The following ATOSA variants were observed in gnomAD, a reference collection of about 807,000 sequenced individuals.
ATOSA encodes atos homolog protein A.
the ATOSA span, among the ~76,000 whole-genome samples, chr15:52,696,671 A>T: frequency 4.6e-5 from 7 of 152,188 alleles, no homozygotes; most frequent in Admixed American, 4.6e-4. Context: ...GCATAATTAA[A>T]GTTGACACAT....
chr15:52,654,817 A>T, the ATOSA span, among the ~76,000 whole-genome samples: 1 of 152,192 alleles, frequency 6.6e-6, no homozygotes, highest in Non-Finnish European at 1.5e-5. Flanking sequence ...TTAAGAGATA[A>T]CATGCTATCT....
chr15:52,627,998 G>A, the ATOSA span, among the ~76,000 whole-genome samples: 1 of 152,058 alleles, frequency 6.6e-6, no homozygotes, highest in African/African-American at 2.4e-5. Flanking sequence ...TTCTCTAATC[G>A]CTAATTCTCG....
chr15:52,668,319 T>C, the ATOSA span, among the ~76,000 whole-genome samples: 1 of 152,136 alleles, frequency 6.6e-6, no homozygotes, highest in South Asian at 2.1e-4. Context: ...AGACACATAC[T>C]GCATGATCTC....
the ATOSA span, chr15:52,611,664 G>A: frequency 6.2e-7 from 1 of 1,613,948 alleles, no homozygotes; most frequent in Non-Finnish European, 8.5e-7. Flanking sequence ...CCTCTGTGGT[G>A]GGCCCATCAT....
the ATOSA span, among the ~76,000 whole-genome samples, chr15:52,589,764 C>T: frequency 6.6e-6 from 1 of 151,664 alleles, no homozygotes; most frequent in East Asian, 1.9e-4. Flanking sequence ...ATATTTAACA[C>T]AAAAGAGAAA....
At chr15:52,637,294 G>A in the ATOSA span, among the ~76,000 whole-genome samples, 4 of 151,904 alleles carry the variant, frequency 2.6e-5, no homozygotes, top group African/African-American at 9.7e-5. Context: ...TCAAGTTGGG[G>A]GGCAGGAGAA....
the ATOSA span, among the ~76,000 whole-genome samples, chr15:52,653,821 T>G: frequency 6.6e-6 from 1 of 152,324 alleles, no homozygotes; most frequent in South Asian, 2.1e-4. Flanking sequence ...GTAGGTACTA[T>G]GTCTACTTAA....
chr15:52,700,664 T>C, the ATOSA span, among the ~76,000 whole-genome samples: 1 of 152,232 alleles, frequency 6.6e-6, no homozygotes, highest in Non-Finnish European at 1.5e-5. Context: ...AAGATGTCTG[T>C]AATTCCTCAG....
the ATOSA span, among the ~76,000 whole-genome samples, chr15:52,668,631 A>G: frequency 6.6e-6 from 1 of 152,230 alleles, no homozygotes; most frequent in Non-Finnish European, 1.5e-5. Context: ...AATTATTTAC[A>G]CAACATATAT....
the ATOSA span, among the ~76,000 whole-genome samples, chr15:52,613,438 T>C: frequency 5.9e-5 from 9 of 152,328 alleles, no homozygotes; most frequent in African/African-American, 2.2e-4. Flanking sequence ...ACAGCAGGTA[T>C]GAAATTGGGT....
At chr15:52,588,502 A>C in the ATOSA span, among the ~76,000 whole-genome samples, 2 of 152,114 alleles carry the variant, frequency 1.3e-5, no homozygotes, top group Non-Finnish European at 2.9e-5. Flanking sequence ...GCAGTGGCAC[A>C]ATCTTGGCTC....
the ATOSA span, among the ~76,000 whole-genome samples, chr15:52,637,007 C>T: frequency 6.6e-6 from 1 of 152,052 alleles, no homozygotes. Flanking sequence ...GAAATGGTAC[C>T]TTGAATTCCT....
At chr15:52,638,411 A>G in the ATOSA span, among the ~76,000 whole-genome samples, 2 of 152,130 alleles carry the variant, frequency 1.3e-5, no homozygotes, top group East Asian at 1.9e-4. Context: ...GTGTTAAAAA[A>G]GAGTACCACT....
the ATOSA span, among the ~76,000 whole-genome samples, chr15:52,669,589 C>T: frequency 6.3e-4 from 96 of 152,298 alleles, no homozygotes; most frequent in Admixed American, 1.6e-3. Context: ...CAGATACTGA[C>T]GCTAAATTAA....
At chr15:52,658,659 A>G in the ATOSA span, 1 of 397,988 alleles carries the variant, frequency 2.5e-6, no homozygotes, top group Middle Eastern at 6.3e-4. Context: ...ATAGGAGACC[A>G]CCACAAACAG....
chr15:52,617,445 C>G, the ATOSA span, among the ~76,000 whole-genome samples: 1 of 152,072 alleles, frequency 6.6e-6, no homozygotes, highest in Non-Finnish European at 1.5e-5. Flanking sequence ...CCACCCAAAT[C>G]TATGGTATTT....
chr15:52,677,365 T>C, the ATOSA span, among the ~76,000 whole-genome samples: 1 of 152,148 alleles, frequency 6.6e-6, no homozygotes, highest in Non-Finnish European at 1.5e-5. Flanking sequence ...ATCAGAAGAC[T>C]GATAAAGAAT....
At chr15:52,617,128 C>G in the ATOSA span, among the ~76,000 whole-genome samples, 1 of 152,164 alleles carries the variant, frequency 6.6e-6, no homozygotes, top group East Asian at 1.9e-4. Flanking sequence ...CACTGTGACT[C>G]TATTTGGAAA....
the ATOSA span, among the ~76,000 whole-genome samples, chr15:52,696,137 G>T: frequency 2.0e-5 from 3 of 152,110 alleles, no homozygotes; most frequent in African/African-American, 7.2e-5. Flanking sequence ...GGGGCAAGGG[G>T]AGACACATGG....
Sources: gnomAD v4.1 joint callset for allele counts (sites outside exome capture counted in the v4.1 genomes callset) on GRCh38, gnomAD v4.1.1 for gene constraint, MANE v1.5 for transcripts, NCBI Gene and HGNC (gene_info 2026-07-23, HGNC 2026-07-21) for gene names.